UACA: variants seen among roughly 807,000 people sequenced by gnomAD.
UACA encodes the protein nuclear membrane binding protein.
A neutral mutation model predicts 160.5 loss-of-function variants in UACA; 112 were observed. The ratio of observed to expected loss-of-function variants is 0.70; its 90% CI spans 0.60 to 0.82. The LOEUF (loss-of-function observed/expected upper bound fraction) is 0.82. Among genes scored for constraint, UACA ranks in the 40% least tolerant of loss-of-function variants. UACA has a pLI of 0.00. For synonymous variants in UACA, 557 were observed against 568.4 expected (o/e 0.98, Z 0.29); for missense variants, 1,574 against 1,614.6 (o/e 0.97, Z 0.43).
intron 1 of UACA, among the ~76,000 whole-genome samples, chr15:70,700,251 A>G (rs1898298394): frequency 7.0e-6 from 1 of 143,322 alleles, no homozygotes; most frequent in Non-Finnish European, 1.5e-5. Flanking sequence ...CCCCCAACAC[A>G]GACATTTATT....
At chr15:70,752,778 T>A (rs2030169263) in intron 1 of UACA, among the ~76,000 whole-genome samples, 1 of 151,524 alleles carries the variant, frequency 6.6e-6, no homozygotes, top group African/African-American at 2.4e-5. Context: ...CAGTTGTAGA[T>A]ACACACACAC....
At chr15:70,777,446 T>C in the UACA span, among the ~76,000 whole-genome samples, 1 of 152,038 alleles carries the variant, frequency 6.6e-6, no homozygotes, top group Non-Finnish European at 1.5e-5. Context: ...CGAGGAAATA[T>C]AGAGGCCAAG....
chr15:70,773,247 G>A, the UACA span, among the ~76,000 whole-genome samples: 1 of 152,118 alleles, frequency 6.6e-6, no homozygotes, highest in African/African-American at 2.4e-5. Flanking sequence ...AGCGACCACT[G>A]GGTTTGGCAG....
At chr15:70,735,874 T>C (rs1899349568) in intron 1 of UACA, among the ~76,000 whole-genome samples, 1 of 151,944 alleles carries the variant, frequency 6.6e-6, no homozygotes, top group Non-Finnish European at 1.5e-5. Context: ...CAGGGTCTTG[T>C]TATGTTGCCA....
intron 2 of UACA, among the ~76,000 whole-genome samples, chr15:70,698,400 C>T (rs1362120545): frequency 6.6e-6 from 1 of 152,160 alleles, no homozygotes; most frequent in Non-Finnish European, 1.5e-5. Flanking sequence ...TAAATTTTCA[C>T]AATTTATGCT....
chr15:70,704,722 T>G (rs1808013214), intron 1 of UACA, among the ~76,000 whole-genome samples: 1 of 152,180 alleles, frequency 6.6e-6, no homozygotes, highest in Admixed American at 6.5e-5. Context: ...CCAAAAATGG[T>G]AGGCACTGGC....
chr15:70,763,628 G>A, upstream of UACA: 2 of 852,342 alleles, frequency 2.3e-6, no homozygotes, highest in African/African-American at 1.8e-5. Flanking sequence ...GGCAAACCGC[G>A]ACCAATCGGA....
intron 13 of UACA, among the ~76,000 whole-genome samples, chr15:70,673,768 T>A (rs1172592892): frequency 6.6e-6 from 1 of 152,230 alleles, no homozygotes; most frequent in African/African-American, 2.4e-5. Flanking sequence ...TAACAGTAAT[T>A]CCTTTGACAG....
chr15:70,671,057 C>T lies in UACA; in HGVS notation c.1203G>A (p.Met401Ile). 6.3e-7 allele frequency: 1 copy of T among 1,586,572 alleles called. No individual in the cohort carries two copies. Among genetic ancestry groups the T allele is most frequent in the Non-Finnish European group, 8.6e-7 (1 of 1,166,364 alleles). The change falls in exon 15 of 19, where the codon ATG (methionine) becomes ATA (isoleucine). Residue 401 changes from methionine (M) to isoleucine (I), a missense_variant. Physicochemically the swap from Met to Ile is conservative, Grantham distance 10. Coordinates refer to ENST00000322954, the MANE Select transcript of UACA (RefSeq NM_018003.4). Reference sequence around the variant, plus strand: ...TTATTACCTGTGAGTCTGCCATATACATCTGACCTTGTTTAAGAAGCATAT... The same window carrying T: ...TTATTACCTGTGAGTCTGCCATATATATCTGACCTTGTTTAAGAAGCATAT... ...KEDMLLKQGQ[M>I]YMADSQCTSP...
In UACA at chr15:70,699,526, C is replaced by T. The variant is rs1465567954; in HGVS notation, c.212+1G>A. 2.5e-6 allele frequency: 4 copies of T among 1,611,384 alleles called. No homozygotes were observed. The South Asian group carries it at 4.4e-5, about 18-fold the overall frequency. On this transcript the variant is annotated splice_donor_variant, in intron 2 of 18. Coordinates refer to ENST00000322954, the MANE Select transcript of UACA (RefSeq NM_018003.4). LOFTEE classifies it high-confidence loss of function. ...ATGCTTTTATCATCAATAATACTTA[C>T]ACAGATCTGCCTTCCACATCTAGTT...
At chr15:70,693,610 C>A (rs189838308) in intron 3 of UACA, among the ~76,000 whole-genome samples, 5 of 151,706 alleles carry the variant, frequency 3.3e-5, no homozygotes, top group Non-Finnish European at 7.4e-5. Flanking sequence ...GAGTTAAACA[C>A]GGTATGTTGG....
upstream of UACA, among the ~76,000 whole-genome samples, chr15:70,767,544 C>T (rs1356135237): frequency 6.6e-6 from 1 of 151,428 alleles, no homozygotes; most frequent in Non-Finnish European, 1.5e-5. Flanking sequence ...GCCAGAATAA[C>T]GCCACTGCAC....
chr15:70,660,381 G>A (rs1022418253), intron 17 of UACA, 165 bp from the exon 18 acceptor site: 20 of 543,422 alleles, frequency 3.7e-5, no homozygotes, highest in African/African-American at 2.1e-4. Context: ...ATTTCAAAAC[G>A]TAACAATATA....
intron 1 of UACA, among the ~76,000 whole-genome samples, chr15:70,749,698 C>CA (rs11292883): frequency 0.15 from 10,775 of 69,680 alleles, 811 homozygotes; most frequent in African/African-American, 0.23. Context: ...GACTCCGTCT[C>CA]AAAAAAAAAA....
At chr15:70,774,533 G>A in the UACA span, among the ~76,000 whole-genome samples, 38 of 108,474 alleles carry the variant, frequency 3.5e-4, no homozygotes, top group African/African-American at 1.7e-3. Context: ...GCAACAGAGC[G>A]AGACTCTGTC....
chr15:70,757,175 T>C (rs781200932), intron 1 of UACA, among the ~76,000 whole-genome samples: 3 of 152,212 alleles, frequency 2.0e-5, no homozygotes, highest in Non-Finnish European at 4.4e-5. Flanking sequence ...TTTCCATAGA[T>C]TTCCACAATC....
chr15:70,749,947 C>T (rs867789125), intron 1 of UACA, among the ~76,000 whole-genome samples: 1 of 152,098 alleles, frequency 6.6e-6, no homozygotes, highest in East Asian at 1.9e-4. Context: ...CCTCTTACAG[C>T]GTAATTACCA....
chr15:70,775,619 G>A, the UACA span, among the ~76,000 whole-genome samples: 18 of 152,114 alleles, frequency 1.2e-4, no homozygotes, highest in African/African-American at 4.3e-4. Context: ...TTTTGCTTGT[G>A]TTTTCTCTCT....
In UACA at chr15:70,684,297, A is replaced by C. The variant is rs1366671651; in HGVS notation, c.752T>G (p.Leu251Trp). 1 of 1,611,874 alleles carries C rather than the reference A, an allele frequency of 6.2e-7. No homozygotes were observed. The highest frequency in any genetic ancestry group is 8.5e-7 in the Non-Finnish European group (1 of 1,179,234). ...RIGDNLDILT[L>W]LKTASENTNK... ...GGTATTTTCCGATGCAGTCTTCAAC[A>C]AGGTTAGAATGTCCAGATTGTCACC... Residue 251 changes from leucine (L) to tryptophan (W), a missense_variant, in exon 8 of 19, where the codon TTG becomes TGG. Physicochemically the swap from Leu to Trp is moderately conservative, Grantham distance 61. Transcript: ENST00000322954.
Sources: allele counts gnomAD v4.1 joint callset (sites outside exome capture counted in the v4.1 genomes callset), GRCh38; gene constraint gnomAD v4.1.1; transcripts MANE v1.5; gene names NCBI Gene and HGNC (gene_info 2026-07-23, HGNC 2026-07-21).